CNTN5: variants seen among roughly 807,000 people sequenced by gnomAD.
The protein encoded by CNTN5 is contactin-5.
CNTN5 carries 77 observed loss-of-function variants against 129.1 expected under a neutral mutation model. That is an observed-to-expected ratio of 0.60 (90% CI 0.50 to 0.72). The LOEUF (loss-of-function observed/expected upper bound fraction) is 0.72. Ranked by LOEUF, CNTN5 falls within the 30% of genes least tolerant of loss-of-function variation. CNTN5 has a pLI of 0.00. For synonymous variants in CNTN5, 509 were observed against 465.6 expected (o/e 1.09, Z -1.20); for missense variants, 1,478 against 1,328.8 (o/e 1.11, Z -1.75).
At chr11:100,041,073 C>A (rs559630690) in intron 9 of CNTN5, among the ~76,000 whole-genome samples, 47 of 152,338 alleles carry the variant, frequency 3.1e-4, no homozygotes, top group African/African-American at 1.1e-3. Context: ...GTCACTCACA[C>A]TAGGAGCTGT....
chr11:99,239,884 C>T (rs1861456999), intron 1 of CNTN5, among the ~76,000 whole-genome samples: 1 of 150,352 alleles, frequency 6.7e-6, no homozygotes, highest in Non-Finnish European at 1.5e-5. Flanking sequence ...TTGCAGTGAG[C>T]CGAGATAGCG....
intron 3 of CNTN5, among the ~76,000 whole-genome samples, chr11:99,717,608 A>G (rs1943021010): frequency 6.6e-6 from 1 of 152,046 alleles, no homozygotes. Flanking sequence ...TTTTTTAATC[A>G]ACACTTTTTA....
chr11:99,504,742 T>C (rs935337260), intron 2 of CNTN5, among the ~76,000 whole-genome samples: 1 of 152,120 alleles, frequency 6.6e-6, no homozygotes, highest in Non-Finnish European at 1.5e-5. Flanking sequence ...GAAAGATTCT[T>C]CACTCTTTGA....
At chr11:99,903,122 A>G (rs1949402705) in intron 6 of CNTN5, among the ~76,000 whole-genome samples, 1 of 152,110 alleles carries the variant, frequency 6.6e-6, no homozygotes, top group Non-Finnish European at 1.5e-5. Flanking sequence ...GAATCAAGAA[A>G]GCAAGCAATT....
intron 15 of CNTN5, among the ~76,000 whole-genome samples, chr11:100,205,972 G>A (rs1215139884): frequency 6.6e-6 from 1 of 152,060 alleles, no homozygotes; most frequent in East Asian, 1.9e-4. Context: ...AGGAGCTGAG[G>A]ATTCTGTATT....
chr11:99,067,456 A>G (rs915235195), intron 1 of CNTN5, among the ~76,000 whole-genome samples: 7 of 150,968 alleles, frequency 4.6e-5, no homozygotes, highest in South Asian at 2.1e-4. Flanking sequence ...AATCTTCCAT[A>G]GAAGTCTGAG....
intron 1 of CNTN5, among the ~76,000 whole-genome samples, chr11:99,216,417 T>G (rs1257979097): frequency 6.6e-6 from 1 of 152,164 alleles, no homozygotes; most frequent in Non-Finnish European, 1.5e-5. Flanking sequence ...ACACTTAGGT[T>G]GATTCCATAT....
At chr11:100,032,987 T>G (rs556721339) in intron 9 of CNTN5, among the ~76,000 whole-genome samples, 1 of 152,302 alleles carries the variant, frequency 6.6e-6, no homozygotes, top group Non-Finnish European at 1.5e-5. Context: ...TATAAAAGAC[T>G]ATATACTTTT....
rs935436778 is a variant in CNTN5, at chr11:100,274,816, A to C, written c.2314+3575A>C. Among the ~76,000 whole-genome samples, 3 of 152,234 alleles carry C rather than the reference A, an allele frequency of 2.0e-5. No individual in the cohort carries two copies. In the South Asian group the frequency reaches 6.2e-4, roughly 31 times the overall value. Reference sequence around the variant, plus strand: ...TATAAATTAGGTCAACCATTGTGGAAGAAAGTGTGACGACAACTCAAAGAC... The same window carrying C: ...TATAAATTAGGTCAACCATTGTGGACGAAAGTGTGACGACAACTCAAAGAC... On this transcript the variant is annotated intron_variant, in intron 18 of 24. Coordinates refer to ENST00000524871, the MANE Select transcript of CNTN5 (RefSeq NM_014361.4).
intron 8 of CNTN5, among the ~76,000 whole-genome samples, chr11:99,966,709 G>A (rs886150256): frequency 5.3e-5 from 8 of 152,158 alleles, no homozygotes; most frequent in African/African-American, 1.9e-4. Flanking sequence ...AACATAGATG[G>A]TAGTGAGCGT....
intron 1 of CNTN5, among the ~76,000 whole-genome samples, chr11:99,281,636 T>A (rs1863700562): frequency 1.3e-5 from 2 of 151,976 alleles, no homozygotes; most frequent in African/African-American, 2.4e-5. Context: ...ATCATTAGCT[T>A]TATTGCATCT....
chr11:100,129,488 G>A (rs927742642), intron 13 of CNTN5, among the ~76,000 whole-genome samples: 1 of 152,094 alleles, frequency 6.6e-6, no homozygotes, highest in African/African-American at 2.4e-5. Flanking sequence ...GAAAGAGATT[G>A]CAATCACAGA....
At chr11:99,650,341 C>T (rs1952107893) in intron 3 of CNTN5, among the ~76,000 whole-genome samples, 1 of 151,772 alleles carries the variant, frequency 6.6e-6, no homozygotes, top group South Asian at 2.1e-4. Context: ...TAGGCATGAA[C>T]TCTAAGCAAG....
At chr11:99,877,987 C>T (rs1468786614) in intron 6 of CNTN5, among the ~76,000 whole-genome samples, 2 of 152,180 alleles carry the variant, frequency 1.3e-5, no homozygotes, top group African/African-American at 2.4e-5. Context: ...AAGCAGTCTA[C>T]TTCAATACAG....
intron 1 of CNTN5, among the ~76,000 whole-genome samples, chr11:99,040,609 A>G (rs17132863): frequency 0.19 from 29,301 of 152,072 alleles, 2,944 homozygotes; most frequent in East Asian, 0.33. Flanking sequence ...GTAAAAGTGA[A>G]AAAATGAGAA....
rs370112097 is a variant in CNTN5 at position 99,753,691 on chromosome 11, CTT to C, written c.56-65839_56-65838del. ...AAAACAGGTAAAAAGAAATCACTTCCTTTTTTTTTTTTTTTGAGACAGAGTCT... is the reference window on the plus strand; with the variant it reads ...AAAACAGGTAAAAAGAAATCACTTCCTTTTTTTTTTTTTGAGACAGAGTCT... On this transcript the variant is annotated intron_variant, in intron 3 of 24. Coordinates refer to ENST00000524871, the MANE Select transcript of CNTN5 (RefSeq NM_014361.4). 6.4e-4 allele frequency among the ~76,000 whole-genome samples: 72 copies of C among 113,356 alleles called. 1 individual carries two copies. The East Asian group carries it at 9.2e-3, about 15-fold the overall frequency. The allele number at this position is 113,356 out of a possible 152,430, so 74.4% of individuals were successfully genotyped here. A position where few individuals can be genotyped will look rare whatever the true frequency, so the allele number is the denominator to read the frequency against.
At chr11:99,997,820 C>G (rs1229297458) in intron 8 of CNTN5, among the ~76,000 whole-genome samples, 1 of 152,124 alleles carries the variant, frequency 6.6e-6, no homozygotes. Flanking sequence ...ATCAAGTGGG[C>G]TTCATCCCTG....
intron 3 of CNTN5, among the ~76,000 whole-genome samples, chr11:99,750,893 G>A (rs890979243): frequency 1.3e-5 from 2 of 152,166 alleles, no homozygotes; most frequent in Admixed American, 1.3e-4. Context: ...GCTTCTAGTG[G>A]TGTGGTTAGA....
chr11:99,861,110 C>T (rs777663194), intron 6 of CNTN5, among the ~76,000 whole-genome samples: 3 of 152,006 alleles, frequency 2.0e-5, no homozygotes, highest in African/African-American at 7.3e-5. Flanking sequence ...CGCCAACCAC[C>T]AAGCCTGGCT....
Sources: gnomAD v4.1 joint callset for allele counts (sites outside exome capture counted in the v4.1 genomes callset) on GRCh38, gnomAD v4.1.1 for gene constraint, MANE v1.5 for transcripts, NCBI Gene and HGNC (gene_info 2026-07-23, HGNC 2026-07-21) for gene names.